The following SPIDR variants were observed in gnomAD, a reference collection of about 807,000 sequenced individuals.
The protein encoded by SPIDR is scaffold protein involved in DNA repair, also known as DNA repair-scaffolding protein.
SPIDR carries 93 observed loss-of-function variants against 104.6 expected under a neutral mutation model. That is an observed-to-expected ratio of 0.89 (90% CI 0.75 to 1.06). The LOEUF (loss-of-function observed/expected upper bound fraction) is 1.06. Among genes scored for constraint, SPIDR ranks in the 50% least tolerant of loss-of-function variants. The pLI is 0.00. For missense variants in SPIDR, 1,154 were observed against 1,111.2 expected (o/e 1.04, Z -0.55); for synonymous variants, 431 against 416.9 (o/e 1.03, Z -0.41).
chr8:47,452,438 A>T (rs1312074204), intron 8 of SPIDR, among the ~76,000 whole-genome samples: 1 of 152,212 alleles, frequency 6.6e-6, no homozygotes, highest in Non-Finnish European at 1.5e-5. Context: ...AATATCCCTG[A>T]TGAACATCAA....
chr8:47,426,794 A>G (rs1440578517), intron 7 of SPIDR, among the ~76,000 whole-genome samples: 1 of 152,240 alleles, frequency 6.6e-6, no homozygotes, highest in East Asian at 1.9e-4. Flanking sequence ...AACTCCCATG[A>G]TAATGACATT....
chr8:47,409,288 G>C (rs1209958186), intron 7 of SPIDR, among the ~76,000 whole-genome samples: 1 of 151,948 alleles, frequency 6.6e-6, no homozygotes, highest in Non-Finnish European at 1.5e-5. Context: ...GTGTCATATA[G>C]GTCTCAGAAA....
At chr8:47,359,185 G>T (rs1472437951) in intron 5 of SPIDR, among the ~76,000 whole-genome samples, 2 of 150,286 alleles carry the variant, frequency 1.3e-5, no homozygotes, top group Non-Finnish European at 2.9e-5. Context: ...AGCGGAGCTT[G>T]CAGTGAGCCG....
chr8:47,373,222 AT>A (rs1395043446), intron 5 of SPIDR, among the ~76,000 whole-genome samples: 2 of 152,196 alleles, frequency 1.3e-5, no homozygotes, highest in Non-Finnish European at 2.9e-5. Flanking sequence ...AAAAAATCAC[AT>A]TTGTTAAAAA....
intron 8 of SPIDR, among the ~76,000 whole-genome samples, chr8:47,549,739 T>C (rs193110164): frequency 1.3e-5 from 2 of 152,350 alleles, no homozygotes; most frequent in East Asian, 3.9e-4. Flanking sequence ...GATGGTAGTT[T>C]CTTTTGCCGT....
intron 5 of SPIDR, among the ~76,000 whole-genome samples, chr8:47,366,737 GTGCGTCTTGGGTATT>G (rs2057275792): frequency 2.6e-5 from 4 of 152,250 alleles, no homozygotes; most frequent in Admixed American, 2.6e-4. Context: ...TCAAGTTTAA[GTGCGTCTTGGGTATT>G]TGCAAAGATG....
chr8:47,644,463 C>T (rs1161494535), intron 10 of SPIDR, among the ~76,000 whole-genome samples: 1 of 152,182 alleles, frequency 6.6e-6, no homozygotes, highest in Non-Finnish European at 1.5e-5. Flanking sequence ...AATTATGAAG[C>T]ACCTCCTCGT....
chr8:47,504,129 C>T lies in SPIDR; in HGVS notation c.1097+63587C>T, dbSNP rs537212252. Among the ~76,000 whole-genome samples the T allele has an allele frequency of 2.6e-5, 4 of 152,264 alleles. No homozygotes were observed. In the South Asian group the frequency reaches 6.2e-4, roughly 24 times the overall value. On this transcript the variant is annotated intron_variant, in intron 8 of 19. Coordinates refer to ENST00000297423, the MANE Select transcript of SPIDR (RefSeq NM_001080394.4). ...TTATGTGTCTTGGAGTTGCTCTTCTCGAGGAGTGTCTTTGTGGCGTTCTCT... is the reference window on the plus strand; with the variant it reads ...TTATGTGTCTTGGAGTTGCTCTTCTTGAGGAGTGTCTTTGTGGCGTTCTCT...
chr8:47,296,391 G>A (rs889256010), intron 5 of SPIDR, among the ~76,000 whole-genome samples: 1 of 152,150 alleles, frequency 6.6e-6, no homozygotes. Context: ...TAGCTTTACA[G>A]TTTCAGGTTT....
intron 19 of SPIDR, chr8:47,729,730 T>C: frequency 2.0e-6 from 1 of 497,216 alleles, no homozygotes. Context: ...TGTTTTTGTT[T>C]TTGTTTTTAG....
At chr8:47,447,937 CCTT>C (rs781810523) in intron 8 of SPIDR, among the ~76,000 whole-genome samples, 1 of 152,112 alleles carries the variant, frequency 6.6e-6, no homozygotes, top group Non-Finnish European at 1.5e-5. Context: ...CTGTTGCACA[CCTT>C]ATAGGCTATA....
intron 5 of SPIDR, among the ~76,000 whole-genome samples, chr8:47,331,985 TTCTC>T (rs1563646577): frequency 3.3e-5 from 2 of 61,532 alleles, no homozygotes; most frequent in Non-Finnish European, 6.1e-5. Context: ...TTTTTTTTTT[TTCTC>T]TTTTTTTTTT....
chr8:47,463,569 A>T (rs1358384104), intron 8 of SPIDR, among the ~76,000 whole-genome samples: 1 of 152,178 alleles, frequency 6.6e-6, no homozygotes, highest in African/African-American at 2.4e-5. Context: ...CAAAGATTTT[A>T]CAAGAAAACT....
At chr8:47,453,653 A>T (rs2072348100) in intron 8 of SPIDR, among the ~76,000 whole-genome samples, 2 of 152,232 alleles carry the variant, frequency 1.3e-5, no homozygotes, top group Admixed American at 1.3e-4. Flanking sequence ...CTGGCTAGCC[A>T]TATGTAGAAA....
intron 1 of SPIDR, among the ~76,000 whole-genome samples, chr8:47,278,295 A>G (rs2036999013): frequency 6.6e-6 from 1 of 151,234 alleles, no homozygotes; most frequent in African/African-American, 2.4e-5. Flanking sequence ...AGCTGGGACT[A>G]TAGGCACATG....
chr8:47,331,989 C>CTTTTTTTTTTTTTTTTTTTTTT (rs1289524835), intron 5 of SPIDR, among the ~76,000 whole-genome samples: 5 of 36,320 alleles, frequency 1.4e-4, no homozygotes, highest in Non-Finnish European at 1.6e-4. Context: ...TTTTTTTTCT[C>CTTTTTTTTTTTTTTTTTTTTTT]TTTTTTTTTT....
intron 8 of SPIDR, among the ~76,000 whole-genome samples, chr8:47,581,817 G>A (rs955767717): frequency 6.6e-6 from 1 of 152,176 alleles, no homozygotes; most frequent in African/African-American, 2.4e-5. Flanking sequence ...TTCTGTCACT[G>A]CATTAATACC....
rs146775814 is a variant in SPIDR, at chr8:47,637,548, C to T, written c.1545-36253C>T. Among the ~76,000 whole-genome samples the T allele has an allele frequency of 4.4e-3, 670 of 152,150 alleles. 5 individuals carry two copies. Among genetic ancestry groups the T allele is most frequent in the African/African-American group, 0.015 (630 of 41,506 alleles). On this transcript the variant is annotated intron_variant, in intron 10 of 19. Transcript: ENST00000297423. Reference sequence around the variant, plus strand: ...TGGTACCACTGCACTCAAGCCTGGGCGACAGAGCAAGACGTGCTCTCAAAA... The same window carrying T: ...TGGTACCACTGCACTCAAGCCTGGGTGACAGAGCAAGACGTGCTCTCAAAA...
intron 10 of SPIDR, among the ~76,000 whole-genome samples, chr8:47,648,713 G>A (rs1029027053): frequency 6.6e-6 from 1 of 152,126 alleles, no homozygotes; most frequent in African/African-American, 2.4e-5. Context: ...TAGAAAGTAA[G>A]AATGTTCTCA....
Sources: allele counts gnomAD v4.1 joint callset (sites outside exome capture counted in the v4.1 genomes callset), GRCh38; gene constraint gnomAD v4.1.1; transcripts MANE v1.5; gene names NCBI Gene and HGNC (gene_info 2026-07-23, HGNC 2026-07-21).